Variants in DACH1 observed in about 807,000 individuals in gnomAD.
DACH1 encodes the protein dachshund family transcription factor 1, also known as dachshund homolog 1.
Under a neutral mutation model 54.2 loss-of-function variants are expected in DACH1, and 12 were observed. That is an observed-to-expected ratio of 0.22 (90% CI 0.14 to 0.36). The LOEUF is 0.36. DACH1 is among the 10% of genes least tolerant of loss of function. DACH1 has a pLI of 1.00. For synonymous variants in DACH1, 386 were observed against 366.2 expected (o/e 1.05, Z -0.62); for missense variants, 805 against 929.8 (o/e 0.87, Z 1.75).
chr13:71,744,923 G>T (rs893075103), intron 1 of DACH1, among the ~76,000 whole-genome samples: 1 of 152,006 alleles, frequency 6.6e-6, no homozygotes, highest in African/African-American at 2.4e-5. Flanking sequence ...GCAAGGTTTG[G>T]TTGAAAAGAA....
chr13:71,860,767 G>A lies in DACH1; in HGVS notation c.848+5155C>T, dbSNP rs151161203. ...TTTTACTTGACTGACAAAAGCAATT[G>A]TATGAAGCAATTTAGTAAAATAACT... On this transcript the variant is annotated intron_variant, in intron 1 of 10. Transcript: ENST00000613252. 2.2e-3 allele frequency among the ~76,000 whole-genome samples: 329 copies of A among 152,044 alleles called. 1 individual carries two copies. The highest frequency in any genetic ancestry group is 7.8e-3 in the African/African-American group (322 of 41,538).
intron 2 of DACH1, among the ~76,000 whole-genome samples, chr13:71,679,941 C>CA (rs71123298): frequency 0.18 from 12,078 of 68,454 alleles, 852 homozygotes; most frequent in Non-Finnish European, 0.24. Context: ...GACTCCGTCT[C>CA]AAAAAAAAAA....
At chr13:71,787,986 A>C (rs1469892460) in intron 1 of DACH1, among the ~76,000 whole-genome samples, 2 of 152,178 alleles carry the variant, frequency 1.3e-5, no homozygotes, top group Non-Finnish European at 2.9e-5. Context: ...ATACAGTGAT[A>C]TAGTAGTGTA....
chr13:71,724,256 G>A (rs1018809221), intron 1 of DACH1, among the ~76,000 whole-genome samples: 1 of 152,180 alleles, frequency 6.6e-6, no homozygotes, highest in African/African-American at 2.4e-5. Context: ...TAGCTCAAGT[G>A]AGAAGTAATT....
intron 2 of DACH1, among the ~76,000 whole-genome samples, chr13:71,681,133 CAT>C (rs1276522466): frequency 6.6e-6 from 1 of 151,982 alleles, no homozygotes. Flanking sequence ...GATGGGCAAA[CAT>C]ATGTTTATGT....
intron 1 of DACH1, 93 bp downstream of exon 1, chr13:71,865,829 C>A (rs1478260658): frequency 1.5e-6 from 2 of 1,334,652 alleles, no homozygotes; most frequent in Admixed American, 4.1e-5. Flanking sequence ...CTCGCGGGCG[C>A]GCAGAGCGAG....
chr13:71,554,767 C>T (rs957819557), intron 6 of DACH1, among the ~76,000 whole-genome samples: 12 of 152,008 alleles, frequency 7.9e-5, no homozygotes, highest in African/African-American at 2.9e-4. Context: ...AATAACAAAG[C>T]AAATACTTTA....
chr13:71,796,981 CTTTGT>C (rs2307626), intron 1 of DACH1, among the ~76,000 whole-genome samples: 4,779 of 151,776 alleles, frequency 0.031, 137 homozygotes, highest in African/African-American at 0.079. Context: ...TATTATATTT[CTTTGT>C]TTTGTTTTTT....
At chr13:71,478,044 C>G (rs555902979) in intron 8 of DACH1, among the ~76,000 whole-genome samples, 1 of 152,070 alleles carries the variant, frequency 6.6e-6, no homozygotes, top group African/African-American at 2.4e-5. Context: ...TAGGAATCCC[C>G]GGGCCTGCTT....
At position 71,718,628 on chromosome 13, in the gene DACH1, A is replaced by G. The variant is rs142018206; in HGVS notation, c.849-36718T>C. Among the ~76,000 whole-genome samples, 627 of 151,720 alleles carry G rather than the reference A, an allele frequency of 4.1e-3. 3 individuals are homozygous for G. The highest frequency in any genetic ancestry group is 0.014 in the African/African-American group (563 of 41,356). ...TTTCTCCCAGATCCTTCTCCCTTCA[A>G]TGTTCAGGTAGAGCTAGATAACTTA... is the stretch of plus-strand genomic sequence containing the variant. On this transcript the variant is annotated intron_variant, in intron 1 of 10. Transcript: ENST00000613252.
chr13:71,674,400 C>A (rs1170968083), intron 2 of DACH1, among the ~76,000 whole-genome samples: 1 of 151,346 alleles, frequency 6.6e-6, no homozygotes, highest in African/African-American at 2.4e-5. Flanking sequence ...AGCCTAAATA[C>A]AATCACAAGT....
chr13:71,605,534 C>A (rs969429231), intron 3 of DACH1, among the ~76,000 whole-genome samples: 3 of 151,566 alleles, frequency 2.0e-5, no homozygotes, highest in African/African-American at 7.3e-5. Context: ...TAAAATAATG[C>A]TTCACAGTGT....
intron 1 of DACH1, among the ~76,000 whole-genome samples, chr13:71,766,300 T>A (rs1178947676): frequency 1.3e-5 from 2 of 152,190 alleles, no homozygotes; most frequent in African/African-American, 4.8e-5. Flanking sequence ...TACCTTAGAA[T>A]CTATAATCAC....
At position 71,439,971 on chromosome 13, in the gene DACH1, A is replaced by T. The variant is rs1242566893; in HGVS notation, c.*684T>A. On this transcript the variant is annotated 3_prime_UTR_variant, in exon 11 of 11. Coordinates refer to ENST00000613252, the MANE Select transcript of DACH1 (RefSeq NM_080759.6). Reference sequence around the variant, plus strand: ...TTTTTTTTTATTTTTAAGAAAAAAAAACCTTCAGTGAAAGCTTTTGGCTTA... The same window carrying T: ...TTTTTTTTTATTTTTAAGAAAAAAATACCTTCAGTGAAAGCTTTTGGCTTA... 1 of 152,142 alleles carries T rather than the reference A, an allele frequency of 6.6e-6. No homozygotes were observed. Among genetic ancestry groups the T allele is most frequent in the Non-Finnish European group, 1.5e-5 (1 of 67,892 alleles). 9.4% of individuals were successfully genotyped at this position (152,142 alleles called of 1,614,324 possible).
chr13:71,637,885 AT>A (rs928622339), intron 2 of DACH1, among the ~76,000 whole-genome samples: 2 of 152,182 alleles, frequency 1.3e-5, no homozygotes, highest in African/African-American at 4.8e-5. Context: ...TTGCTGTCAA[AT>A]TCTTTCTCTG....
intron 2 of DACH1, among the ~76,000 whole-genome samples, chr13:71,679,720 C>T (rs1486583218): frequency 6.6e-6 from 1 of 152,076 alleles, no homozygotes; most frequent in African/African-American, 2.4e-5. Context: ...CGCAGTGGCT[C>T]ACGCCTATAA....
intron 2 of DACH1, among the ~76,000 whole-genome samples, chr13:71,660,253 C>T (rs1879401176): frequency 6.6e-6 from 1 of 152,024 alleles, no homozygotes; most frequent in Admixed American, 6.6e-5. Flanking sequence ...CACTATGTTG[C>T]TACATGCAGG....
chr13:71,816,071 C>T (rs1484165204), intron 1 of DACH1, among the ~76,000 whole-genome samples: 1 of 151,224 alleles, frequency 6.6e-6, no homozygotes, highest in Non-Finnish European at 1.5e-5. Flanking sequence ...GGCGACAGAG[C>T]GAGACTCCGT....
chr13:71,645,797 G>GT (rs907817526), intron 2 of DACH1, among the ~76,000 whole-genome samples: 1 of 152,130 alleles, frequency 6.6e-6, no homozygotes, highest in African/African-American at 2.4e-5. Context: ...GCTTTTGTTG[G>GT]TTTTTTAACC....
Sources: allele counts gnomAD v4.1 joint callset (sites outside exome capture counted in the v4.1 genomes callset), GRCh38; gene constraint gnomAD v4.1.1; transcripts MANE v1.5; gene names NCBI Gene and HGNC (gene_info 2026-07-23, HGNC 2026-07-21).